The following PTGDS variants were observed in gnomAD, a reference collection of about 807,000 sequenced individuals.
The protein encoded by PTGDS is prostaglandin D2 synthase, also known as prostaglandin-H2 D-isomerase.
In PTGDS, 21 loss-of-function variants were observed where a neutral mutation model predicts 28.4. That is an observed-to-expected ratio of 0.74 (90% CI 0.52 to 1.07). PTGDS has a LOEUF of 1.07. PTGDS is among the 50% of genes least tolerant of loss of function. PTGDS has a pLI of 0.00. For synonymous variants in PTGDS, 102 were observed against 106.0 expected, an observed-to-expected ratio of 0.96 and a Z score of 0.23; for missense variants, 243 against 247.7, an observed-to-expected ratio of 0.98 and a Z score of 0.13.
chr9:136,978,100 C>G (rs565982815), intron 1 of PTGDS, among the ~76,000 whole-genome samples: 5 of 152,186 alleles, frequency 3.3e-5, no homozygotes, highest in Non-Finnish European at 7.4e-5. Flanking sequence ...GGGACGCGCA[C>G]CGCACAGACA....
At chr9:136,978,315 G>C (rs975866327) in intron 1 of PTGDS, among the ~76,000 whole-genome samples, 1 of 152,076 alleles carries the variant, frequency 6.6e-6, no homozygotes, top group Non-Finnish European at 1.5e-5. Flanking sequence ...CACAGAATCG[G>C]GACCGGGGGC....
chr9:136,980,881 T>TTCAA (rs1263591634), intron 6 of PTGDS, 26 bp downstream of exon 6: 1 of 1,569,988 alleles, frequency 6.4e-7, no homozygotes, highest in African/African-American at 1.4e-5. Context: ...CATTCATTCA[T>TTCAA]TCATTCATTC....
chr9:136,980,845 C>T lies in PTGDS; in HGVS notation c.563C>T (p.Thr188Met), dbSNP rs149190925. The change falls in exon 6 of 7, where the codon ACG (threonine) becomes ATG (methionine). Residue 188 changes from threonine (T) to methionine (M), a missense_variant. By Grantham distance (81) the Thr-to-Met change is moderately conservative. Transcript: ENST00000371625. ...VFLPQTDKCMTEQ is the reference protein window; with the variant it reads ...VFLPQTDKCMMEQ Reference sequence around the variant, plus strand: ...TCTTTCTTGGCAGATAAGTGCATGACGGAACAATAGGTGAGCCACTCCATT... The same window carrying T: ...TCTTTCTTGGCAGATAAGTGCATGATGGAACAATAGGTGAGCCACTCCATT... The T allele has an allele frequency of 1.0e-4, 164 of 1,611,774 alleles. 1 individual carries two copies. Among genetic ancestry groups the T allele is most frequent in the East Asian group, 6.9e-4 (31 of 44,800 alleles).
In PTGDS at chr9:136,980,304, T is replaced by C; in HGVS notation, c.550+20T>C. ...AAACCGGTGAGGGGTCCTAATCTGATGGGGAGAGGATCAAGGTCAGATTAG... is the reference window on the plus strand; with the variant it reads ...AAACCGGTGAGGGGTCCTAATCTGACGGGGAGAGGATCAAGGTCAGATTAG... On this transcript the variant is annotated intron_variant, in intron 5 of 6. Transcript: ENST00000371625. The C allele has an allele frequency of 1.2e-6, 2 of 1,610,332 alleles. No homozygotes were observed. The highest frequency in any genetic ancestry group is 8.5e-7 in the Non-Finnish European group (1 of 1,177,084).
At position 136,979,306 on chromosome 9, in the gene PTGDS, G is replaced by A. The variant is rs767459514; in HGVS notation, c.331+7G>A. ...TACAGCTACCGGAGTCCCCGTGAGT[G>A]GGGCCTCCACCGGCCCCCTGGGCCC... On this transcript the variant is annotated splice_region_variant and intron_variant, in intron 3 of 6. Transcript: ENST00000371625. 3.7e-6 allele frequency: 6 copies of A among 1,607,526 alleles called. No homozygotes were observed. The Admixed American group carries it at 1.0e-4, about 27-fold the overall frequency.
At position 136,980,051 on chromosome 9, in the gene PTGDS, C is replaced by A. The variant is rs1830429653; in HGVS notation, c.437C>A (p.Ala146Asp). The change falls in exon 4 of 7, where the codon GCC (alanine) becomes GAC (aspartate). Residue 146 changes from alanine to aspartate, a missense_variant. Physicochemically the swap from Ala to Asp is moderately radical, Grantham distance 126. Coordinates refer to ENST00000371625, the MANE Select transcript of PTGDS (RefSeq NM_000954.6). ...GGCCCTGGCGAGGACTTCCGCATGG[C>A]CACCCTCTACAGTACGTGCCCCGTG... ...SKGPGEDFRM[A>D]TLYSRTQTPR... 1 of 1,611,742 alleles carries A rather than the reference C, an allele frequency of 6.2e-7. No individual in the cohort carries two copies. The highest frequency in any genetic ancestry group is 8.5e-7 in the Non-Finnish European group (1 of 1,179,382).
At chr9:136,978,875 G>C (rs758951243) in intron 1 of PTGDS, 118 bp from the exon 2 acceptor site, 1 of 1,430,564 alleles carries the variant, frequency 7.0e-7, no homozygotes, top group Non-Finnish European at 9.5e-7. Flanking sequence ...GGGGGATTGG[G>C]CGTGGGGGCG....
At position 136,979,283 on chromosome 9, in the gene PTGDS, C is replaced by T. The variant is rs1450929389; in HGVS notation, c.315C>T (p.Tyr105=). The change falls in exon 3 of 7, where the codon TAC becomes TAT. Residue 105 remains tyrosine, a synonymous_variant. Coordinates refer to ENST00000371625, the MANE Select transcript of PTGDS (RefSeq NM_000954.6). ...AGCCCGCGGGGTCCCTCGGCTCCTA[C>T]AGCTACCGGAGTCCCCGTGAGTGGG... is the stretch of plus-strand genomic sequence containing the variant. ...LLQPAGSLGS[Y]SYRSPHWGST... is the part of the protein sequence containing the mutation. The T allele has an allele frequency of 2.5e-6, 4 of 1,610,942 alleles. No homozygotes were observed. The highest frequency in any genetic ancestry group is 2.5e-6 in the Non-Finnish European group (3 of 1,178,954).
rs530539546 is a variant in PTGDS at position 136,977,562 on chromosome 9, C to T, written c.-17C>T. On this transcript the variant is annotated 5_prime_UTR_variant, in exon 1 of 7. Coordinates refer to ENST00000371625, the MANE Select transcript of PTGDS (RefSeq NM_000954.6). ...CCACTGGCACCAGGCCCCGGACACC[C>T]GCTCTGCTGCAGGAGAATGGCTACT... The T allele has an allele frequency of 3.6e-5, 57 of 1,568,798 alleles. No individual in the cohort carries two copies. The South Asian group carries it at 4.3e-4, about 12-fold the overall frequency.
chr9:136,979,300 G>GT lies in PTGDS; in HGVS notation c.331+2dup. 1 of 1,608,618 alleles carries GT rather than the reference G, an allele frequency of 6.2e-7. No individual in the cohort carries two copies. The highest frequency in any genetic ancestry group is 8.5e-7 in the Non-Finnish European group (1 of 1,177,828). On this transcript the variant is annotated splice_donor_variant, in intron 3 of 6. Coordinates refer to ENST00000371625, the MANE Select transcript of PTGDS (RefSeq NM_000954.6). LOFTEE classifies it high-confidence loss of function. ...GGCTCCTACAGCTACCGGAGTCCCCGTGAGTGGGGCCTCCACCGGCCCCCT... is the reference window on the plus strand; with the variant it reads ...GGCTCCTACAGCTACCGGAGTCCCCGTTGAGTGGGGCCTCCACCGGCCCCCT...
rs888355369 is a variant in PTGDS at position 136,980,271 on chromosome 9, C to G, written c.537C>G (p.Phe179Leu). The change falls in exon 5 of 7, where the codon TTC becomes TTG. Residue 179 changes from phenylalanine (F) to leucine (L), a missense_variant. Coordinates refer to ENST00000371625, the MANE Select transcript of PTGDS (RefSeq NM_000954.6). ...AQGFTEDTIV[F>L]LPQTDKCMTE... ...GCTTCACAGAGGATACCATTGTCTT[C>G]CTGCCCCAAACCGGTGAGGGGTCCT... The G allele has an allele frequency of 2.5e-6, 4 of 1,613,914 alleles. No individual in the cohort carries two copies. In the African/African-American group the frequency reaches 5.3e-5, roughly 22 times the overall value.
At chr9:136,979,370 G>T in intron 3 of PTGDS, 71 bp downstream of exon 3, 1 of 1,580,166 alleles carries the variant, frequency 6.3e-7, no homozygotes, top group Non-Finnish European at 8.6e-7. Context: ...CTCTGGGCCA[G>T]CCCCCTGCCG....
At chr9:136,978,885 G>A in intron 1 of PTGDS, 108 bp from the exon 2 acceptor site, 2 of 1,492,190 alleles carry the variant, frequency 1.3e-6, no homozygotes, top group Non-Finnish European at 1.8e-6. Context: ...GCGTGGGGGC[G>A]GGGCCGGGTT....
At position 136,980,278 on chromosome 9, in the gene PTGDS, C is replaced by A; in HGVS notation, c.544C>A (p.Gln182Lys). The A allele has an allele frequency of 6.2e-7, 1 of 1,613,986 alleles. No individual in the cohort carries two copies. Among genetic ancestry groups the A allele is most frequent in the South Asian group, 1.1e-5 (1 of 91,080 alleles). Reference sequence around the variant, plus strand: ...AGAGGATACCATTGTCTTCCTGCCCCAAACCGGTGAGGGGTCCTAATCTGA... The same window carrying A: ...AGAGGATACCATTGTCTTCCTGCCCAAAACCGGTGAGGGGTCCTAATCTGA... ...FTEDTIVFLP[Q>K]TDKCMTEQ The change falls in exon 5 of 7, where the codon CAA (glutamine) becomes AAA (lysine). Residue 182 changes from glutamine (Q) to lysine (K), a missense_variant. Physicochemically the swap from Gln to Lys is moderately conservative, Grantham distance 53. Transcript: ENST00000371625.
chr9:136,981,121 T>C (rs1055502767), intron 6 of PTGDS: 8 of 511,548 alleles, frequency 1.6e-5, no homozygotes, highest in African/African-American at 1.2e-4. Context: ...GGTTGGGGGG[T>C]GCAGGTGCGA....
chr9:136,981,008 C>A (rs962515026), intron 6 of PTGDS, 153 bp downstream of exon 6: 2 of 1,155,928 alleles, frequency 1.7e-6, no homozygotes, highest in Non-Finnish European at 2.4e-6. Flanking sequence ...CAGGGCCGGG[C>A]GGGAGACACT....
Position 136,977,537 on chromosome 9 carries a change from C to A in PTGDS, c.-42C>A. 6.9e-7 allele frequency: 1 copy of A among 1,457,214 alleles called. No homozygotes were observed. The highest frequency in any genetic ancestry group is 1.2e-5 in the South Asian group (1 of 82,046). The allele number at this position is 1,457,214 out of a possible 1,614,324, so 90.3% of individuals were successfully genotyped here. A position where few individuals can be genotyped will look rare whatever the true frequency, so the allele number is the denominator to read the frequency against. On this transcript the variant is annotated 5_prime_UTR_variant, in exon 1 of 7. Coordinates refer to ENST00000371625, the MANE Select transcript of PTGDS (RefSeq NM_000954.6). Reference sequence around the variant, plus strand: ...TGCACACCTCCCTCGCTCTCCCACACCACTGGCACCAGGCCCCGGACACCC... The same window carrying A: ...TGCACACCTCCCTCGCTCTCCCACAACACTGGCACCAGGCCCCGGACACCC...
rs761916489 is a variant in PTGDS at position 136,980,035 on chromosome 9, G to A, written c.421G>A (p.Glu141Lys). 3.7e-6 allele frequency: 6 copies of A among 1,612,576 alleles called. No homozygotes were observed. Among genetic ancestry groups the A allele is most frequent in the African/African-American group, 1.3e-5 (1 of 74,892 alleles). Residue 141 changes from glutamate to lysine, a missense_variant, in exon 4 of 7, where the codon GAG (glutamate) becomes AAG (lysine). Glu to Lys is a moderately conservative substitution (Grantham distance 56). Transcript: ENST00000371625. ...CAGCCAGGGCAGCAAGGGCCCTGGC[G>A]AGGACTTCCGCATGGCCACCCTCTA... ...LYSQGSKGPG[E>K]DFRMATLYSR...
rs1471892034 is a variant in PTGDS, at chr9:136,979,090, C to T, written c.212C>T (p.Pro71Leu). The T allele has an allele frequency of 6.2e-7, 1 of 1,611,472 alleles. No individual in the cohort carries two copies. The highest frequency in any genetic ancestry group is 8.5e-7 in the Non-Finnish European group (1 of 1,179,112). The change falls in exon 2 of 7, where the codon CCT becomes CTT. Residue 71 changes from proline (P) to leucine (L), a missense_variant. Transcript: ENST00000371625. ...TCCATGTGCAAGTCTGTGGTGGCCC[C>T]TGCCACGGATGGTGGCCTCAACCTG... The part of the protein sequence containing the change: ...ALSMCKSVVA[P>L]ATDGGLNLTS...
Sources: allele counts gnomAD v4.1 joint callset (sites outside exome capture counted in the v4.1 genomes callset), GRCh38; gene constraint gnomAD v4.1.1; transcripts MANE v1.5; gene names NCBI Gene and HGNC (gene_info 2026-07-23, HGNC 2026-07-21).